The following ACACA variants were observed in gnomAD, a reference collection of about 807,000 sequenced individuals.
ACACA encodes the protein acetyl-CoA carboxylase 1.
A neutral mutation model predicts 296.1 loss-of-function variants in ACACA; 103 were observed. The ratio of observed to expected loss-of-function variants is 0.35; its 90% CI spans 0.30 to 0.41. ACACA has a LOEUF of 0.41. ACACA is among the 10% of genes least tolerant of loss of function. The pLI, the probability that ACACA is intolerant of heterozygous loss-of-function variation, is 1.00. For missense variants in ACACA, 1,554 were observed against 2,989.7 expected (o/e 0.52, Z 11.20); for synonymous variants, 953 against 1,038.6 (o/e 0.92, Z 1.58).
chr17:37,244,556 T>C, intron 21 of ACACA, 32 bp downstream of exon 21: 5 of 1,612,336 alleles, frequency 3.1e-6, no homozygotes, highest in Non-Finnish European at 4.2e-6. Flanking sequence ...ATCCCATTTG[T>C]ACATCCCTTC....
At chr17:37,373,771 T>C (rs1014691981) in intron 1 of ACACA, among the ~76,000 whole-genome samples, 3 of 152,102 alleles carry the variant, frequency 2.0e-5, no homozygotes, top group Non-Finnish European at 2.9e-5. Context: ...GGAACTAATG[T>C]ACAGAGAGTT....
chr17:37,191,551 A>G (rs2077751160), intron 37 of ACACA, among the ~76,000 whole-genome samples: 1 of 152,192 alleles, frequency 6.6e-6, no homozygotes, highest in African/African-American at 2.4e-5. Context: ...CTGTAAGTTC[A>G]ATAGGATGAT....
At position 37,097,070 on chromosome 17, in the gene ACACA, T is replaced by A; in HGVS notation, c.6817A>T (p.Asn2273Tyr). 6.2e-7 allele frequency: 1 copy of A among 1,614,156 alleles called. No homozygotes were observed. The highest frequency in any genetic ancestry group is 8.5e-7 in the Non-Finnish European group (1 of 1,180,032). Residue 2273 changes from asparagine to tyrosine, a missense_variant, in exon 54 of 56, where the codon AAC (asparagine) becomes TAC (tyrosine). Transcript: ENST00000616317. The surrounding 1 kb of genome is among the most constrained non-coding windows in gnomAD (Gnocchi z 4.8). ...ATCTGGCCATCAGTCAGCTCAGGGT[T>A]GGCATTGTGGATTTTCTTCTTGACC... ...DLVKKKIHNANPELTDGQIQA... is the reference protein window; with the variant it reads ...DLVKKKIHNAYPELTDGQIQA...
Position 37,188,490 on chromosome 17 carries a change from A to T in ACACA, c.4573-10T>A. ...GCACGGATTCCTCAATCTGACACAG[A>T]CACATCACCAAGCACAAAACTTAAA... On this transcript the variant is annotated splice_polypyrimidine_tract_variant and intron_variant, in intron 38 of 55. Coordinates refer to ENST00000616317, the MANE Select transcript of ACACA (RefSeq NM_198834.3). 6.2e-7 allele frequency: 1 copy of T among 1,612,476 alleles called. No homozygotes were observed. Among genetic ancestry groups the T allele is most frequent in the Non-Finnish European group, 8.5e-7 (1 of 1,179,956 alleles).
intron 27 of ACACA, among the ~76,000 whole-genome samples, 188 bp downstream of exon 27, chr17:37,224,804 C>T (rs1270491655): frequency 6.6e-6 from 1 of 151,838 alleles, no homozygotes; most frequent in African/African-American, 2.4e-5. Context: ...ACAATTCTAA[C>T]AGCATTTGTA....
chr17:37,086,989 G>T lies in ACACA; in HGVS notation c.*327C>A. ...GGAGGCCAAGGGGCTGTCAGGACAGGAGGGGCAGCCCTACTTTGGTTAGTA... is the reference window on the plus strand; with the variant it reads ...GGAGGCCAAGGGGCTGTCAGGACAGTAGGGGCAGCCCTACTTTGGTTAGTA... On this transcript the variant is annotated 3_prime_UTR_variant, in exon 56 of 56. Coordinates refer to ENST00000616317, the MANE Select transcript of ACACA (RefSeq NM_198834.3). 2.5e-6 allele frequency: 1 copy of T among 405,650 alleles called. No individual in the cohort carries two copies. The highest frequency in any genetic ancestry group is 3.7e-5 in the Admixed American group (1 of 27,384). 25.1% of individuals were successfully genotyped at this position (405,650 alleles called of 1,614,324 possible).
chr17:37,180,852 T>C (rs886943316), intron 40 of ACACA, among the ~76,000 whole-genome samples: 1 of 152,132 alleles, frequency 6.6e-6, no homozygotes, highest in Non-Finnish European at 1.5e-5. Context: ...AAGTATCAGA[T>C]CTCCTTTTTA....
At chr17:37,344,044 TATA>T (rs1187223810) in intron 1 of ACACA, among the ~76,000 whole-genome samples, 1 of 150,542 alleles carries the variant, frequency 6.6e-6, no homozygotes, top group Non-Finnish European at 1.5e-5. Flanking sequence ...ATTACAGTAG[TATA>T]ATAATCTCTG....
rs774933750 is a variant in ACACA at position 37,245,160 on chromosome 17, C to T, written c.2515G>A (p.Val839Ile). The T allele has an allele frequency of 2.0e-5, 33 of 1,614,034 alleles. No homozygotes were observed. The highest frequency in any genetic ancestry group is 3.3e-5 in the Admixed American group (2 of 60,002). ...TAVESGCIHY[V>I]KRPGAALDPG... ...TCAAGAGCTGCTCCAGGTCGCTTGA[C>T]GTAATGGATACAGCCAGACTCCACA... is the stretch of plus-strand genomic sequence containing the variant. Residue 839 changes from valine (V) to isoleucine (I), a missense_variant, in exon 20 of 56, where the codon GTC becomes ATC. By Grantham distance (29) the Val-to-Ile change is conservative. Around this residue, in one of 16 missense-constraint regions of ACACA, gnomAD observed 316 missense variants for 540.9 expected, o/e 0.58. Coordinates refer to ENST00000616317, the MANE Select transcript of ACACA (RefSeq NM_198834.3).
intron 21 of ACACA, among the ~76,000 whole-genome samples, chr17:37,244,372 A>G (rs1368040690): frequency 6.6e-6 from 1 of 152,032 alleles, no homozygotes; most frequent in Non-Finnish European, 1.5e-5. Context: ...TCTCGAGGAA[A>G]AAAAAAAAGG....
At chr17:37,094,737 G>A (rs2072880142) in intron 54 of ACACA, among the ~76,000 whole-genome samples, 1 of 152,226 alleles carries the variant, frequency 6.6e-6, no homozygotes, top group Admixed American at 6.5e-5. Flanking sequence ...GAATATGGAA[G>A]GAGGTTTCAA....
At chr17:37,180,738 C>T (rs1445055929) in intron 40 of ACACA, among the ~76,000 whole-genome samples, 1 of 152,144 alleles carries the variant, frequency 6.6e-6, no homozygotes, top group African/African-American at 2.4e-5. Context: ...AAACTGTGTA[C>T]CATGAACTCT....
At chr17:37,136,687 A>G (rs2075347146) in intron 45 of ACACA, among the ~76,000 whole-genome samples, 1 of 152,176 alleles carries the variant, frequency 6.6e-6, no homozygotes, top group Non-Finnish European at 1.5e-5. Context: ...TCACACCTGT[A>G]ATCCCAGCAC....
chr17:37,371,662 G>A (rs2049810932), intron 1 of ACACA, among the ~76,000 whole-genome samples: 1 of 152,110 alleles, frequency 6.6e-6, no homozygotes, highest in African/African-American at 2.4e-5. Context: ...CACTTTGGGA[G>A]GCTGAGGCGG....
chr17:37,185,580 T>C (rs1160815047), intron 39 of ACACA, among the ~76,000 whole-genome samples: 1 of 149,370 alleles, frequency 6.7e-6, no homozygotes, highest in Non-Finnish European at 1.5e-5. Flanking sequence ...TTATTTTTCT[T>C]TTTTTTGAGA....
chr17:37,145,961 G>C (rs1196660586), intron 45 of ACACA, among the ~76,000 whole-genome samples: 1 of 152,152 alleles, frequency 6.6e-6, no homozygotes, highest in Non-Finnish European at 1.5e-5. Flanking sequence ...GAGTTCACAG[G>C]GGGAAAAGGA....
Position 37,111,640 on chromosome 17 carries a change from T to A in ACACA, c.6456A>T (p.Gly2152=). The A allele has an allele frequency of 1.2e-6, 2 of 1,611,932 alleles. No individual in the cohort carries two copies. Among genetic ancestry groups the A allele is most frequent in the East Asian group, 2.2e-5 (1 of 44,854 alleles). The change falls in exon 52 of 56, where the codon GGA becomes GGT. Residue 2152 remains glycine (G), a synonymous_variant. Coordinates refer to ENST00000616317, the MANE Select transcript of ACACA (RefSeq NM_198834.3). The stretch of plus-strand genomic sequence containing the variant: ...CTGTCCCTTCTGGCTCCAGAACAGA[T>A]CCCCTGGATCAGAAAGAAAGAAAAA... The part of the protein sequence containing the change: ...MEMYADRESR[G]SVLEPEGTVE...
intron 3 of ACACA, among the ~76,000 whole-genome samples, chr17:37,319,941 A>T (rs1213218090): frequency 6.6e-6 from 1 of 151,734 alleles, no homozygotes; most frequent in African/African-American, 2.4e-5. Flanking sequence ...ACAGAGTGAG[A>T]CTCCATCTCA....
intron 3 of ACACA, among the ~76,000 whole-genome samples, chr17:37,287,650 G>C (rs1226373192): frequency 1.3e-5 from 2 of 151,928 alleles, no homozygotes; most frequent in Admixed American, 6.6e-5. Flanking sequence ...GGCTGAGGTG[G>C]GAGAATCACT....
Sources: gnomAD v4.1 joint callset for allele counts (sites outside exome capture counted in the v4.1 genomes callset) on GRCh38, gnomAD v4.1.1 for gene constraint, gnomAD v4.1.1 regional missense constraint, Gnocchi (gnomAD v3.1) non-coding constraint, MANE v1.5 for transcripts, NCBI Gene and HGNC (gene_info 2026-07-23, HGNC 2026-07-21) for gene names.